BCKDHB: variants seen among roughly 807,000 people sequenced by gnomAD.
BCKDHB encodes the protein 2-oxoisovalerate dehydrogenase subunit beta, mitochondrial.
In BCKDHB, 41 loss-of-function variants were observed where a neutral mutation model predicts 48.5. The ratio of observed to expected loss-of-function variants is 0.85; its 90% CI spans 0.66 to 1.10. The LOEUF is 1.10. BCKDHB is among the 50% of genes least tolerant of loss of function. BCKDHB has a pLI of 0.00. For synonymous variants in BCKDHB, 201 were observed against 174.8 expected (o/e 1.15, Z -1.18); for missense variants, 496 against 494.2 (o/e 1.00, Z -0.03).
chr6:80,240,587 A>G (rs1776341328), intron 8 of BCKDHB, among the ~76,000 whole-genome samples: 1 of 152,066 alleles, frequency 6.6e-6, no homozygotes, highest in Non-Finnish European at 1.5e-5. Context: ...GGGTTTTCTA[A>G]ATATACAATC....
intron 3 of BCKDHB, among the ~76,000 whole-genome samples, chr6:80,155,599 A>T (rs1047131547): frequency 1.3e-5 from 2 of 152,128 alleles, no homozygotes; most frequent in Admixed American, 6.6e-5. Flanking sequence ...TGCTCTTTTC[A>T]TACCCAACCA....
intron 6 of BCKDHB, among the ~76,000 whole-genome samples, chr6:80,193,256 C>G (rs576717556): frequency 6.6e-6 from 1 of 152,170 alleles, no homozygotes; most frequent in South Asian, 2.1e-4. Flanking sequence ...GGGTCCAAGA[C>G]TTTCTGTTTC....
chr6:80,458,167 A>G, the BCKDHB span, among the ~76,000 whole-genome samples: 1 of 152,206 alleles, frequency 6.6e-6, no homozygotes, highest in Non-Finnish European at 1.5e-5. Context: ...GTGTTGAAGG[A>G]AGGACTATTT....
chr6:80,185,989 C>CT (rs1773622123), intron 6 of BCKDHB, among the ~76,000 whole-genome samples: 1 of 152,118 alleles, frequency 6.6e-6, no homozygotes, highest in Non-Finnish European at 1.5e-5. Flanking sequence ...CTGTTTTCTC[C>CT]TTTTTTGGAG....
intron 3 of BCKDHB, among the ~76,000 whole-genome samples, chr6:80,150,850 C>A (rs1382006102): frequency 6.6e-6 from 1 of 152,178 alleles, no homozygotes; most frequent in African/African-American, 2.4e-5. Flanking sequence ...AGCCACCACA[C>A]CCAGCCTCAT....
chr6:80,238,568 A>T (rs1468982523), intron 8 of BCKDHB, among the ~76,000 whole-genome samples: 3 of 150,222 alleles, frequency 2.0e-5, no homozygotes, highest in Non-Finnish European at 3.0e-5. Context: ...TTGTTTTTTC[A>T]CTCTTTTTAT....
At chr6:80,308,787 G>T (rs994453130) in intron 9 of BCKDHB, among the ~76,000 whole-genome samples, 1 of 151,726 alleles carries the variant, frequency 6.6e-6, no homozygotes, top group Non-Finnish European at 1.5e-5. Flanking sequence ...AGTAGAGACG[G>T]AGTTTCACCG....
chr6:80,238,335 G>A (rs1776231606), intron 8 of BCKDHB, among the ~76,000 whole-genome samples: 1 of 152,182 alleles, frequency 6.6e-6, no homozygotes, highest in Admixed American at 6.5e-5. Context: ...CTGACCTCAG[G>A]TCATCTGCTG....
chr6:80,179,274 A>G (rs1450660411), intron 6 of BCKDHB, among the ~76,000 whole-genome samples: 2 of 152,098 alleles, frequency 1.3e-5, no homozygotes, highest in East Asian at 1.9e-4. Context: ...AAAATGATCT[A>G]CTTTTTAACT....
At chr6:80,168,510 A>C (rs1733723925) in intron 4 of BCKDHB, among the ~76,000 whole-genome samples, 1 of 130,232 alleles carries the variant, frequency 7.7e-6, no homozygotes, top group Non-Finnish European at 1.6e-5. Flanking sequence ...GAGGGAGGGA[A>C]AAGCTCATTG....
chr6:80,335,562 A>C (rs1356428816), intron 9 of BCKDHB, among the ~76,000 whole-genome samples: 3 of 152,106 alleles, frequency 2.0e-5, no homozygotes, highest in Admixed American at 2.0e-4. Flanking sequence ...GTTTTAACAA[A>C]AGCATGGTAG....
intron 8 of BCKDHB, among the ~76,000 whole-genome samples, chr6:80,262,433 C>T (rs895365068): frequency 1.3e-5 from 2 of 152,052 alleles, no homozygotes; most frequent in Non-Finnish European, 2.9e-5. Context: ...TTTTGGAGTC[C>T]TCTGAGAATC....
intron 3 of BCKDHB, among the ~76,000 whole-genome samples, chr6:80,142,580 T>G (rs1434067978): frequency 6.6e-6 from 1 of 152,080 alleles, no homozygotes; most frequent in Non-Finnish European, 1.5e-5. Flanking sequence ...AAGTTGGGGA[T>G]TTTTACACAT....
chr6:80,452,536 C>T, the BCKDHB span, among the ~76,000 whole-genome samples: 3 of 152,072 alleles, frequency 2.0e-5, no homozygotes, highest in Non-Finnish European at 4.4e-5. Context: ...TGTAAAAATG[C>T]ATAATATACC....
At chr6:80,420,892 T>C in the BCKDHB span, among the ~76,000 whole-genome samples, 1 of 152,204 alleles carries the variant, frequency 6.6e-6, no homozygotes, top group East Asian at 1.9e-4. Context: ...CAAAGTGATC[T>C]CTCTTAGAAT....
intron 6 of BCKDHB, among the ~76,000 whole-genome samples, chr6:80,178,296 A>G (rs185566636): frequency 6.6e-6 from 1 of 152,290 alleles, no homozygotes; most frequent in East Asian, 1.9e-4. Context: ...CTCTCCATTT[A>G]ATCTCATTTT....
At chr6:80,364,942 TGAC>T in the BCKDHB span, among the ~76,000 whole-genome samples, 1 of 152,062 alleles carries the variant, frequency 6.6e-6, no homozygotes, top group East Asian at 1.9e-4. Context: ...CTACTGGGGG[TGAC>T]ATCACATATC....
chr6:80,427,527 A>G, the BCKDHB span, among the ~76,000 whole-genome samples: 1 of 152,156 alleles, frequency 6.6e-6, no homozygotes, highest in African/African-American at 2.4e-5. Context: ...CTTTACATTT[A>G]TCCACATGTT....
At chr6:80,203,637 G>A (rs530267895) in intron 8 of BCKDHB, among the ~76,000 whole-genome samples, 1 of 152,136 alleles carries the variant, frequency 6.6e-6, no homozygotes, top group South Asian at 2.1e-4. Flanking sequence ...AATGGGGATG[G>A]ATTTTTTAAA....
Sources: gnomAD v4.1 joint callset for allele counts (sites outside exome capture counted in the v4.1 genomes callset) on GRCh38, gnomAD v4.1.1 for gene constraint, MANE v1.5 for transcripts, NCBI Gene and HGNC (gene_info 2026-07-23, HGNC 2026-07-21) for gene names.